The following NAALADL2 variants were observed in gnomAD, a reference collection of about 807,000 sequenced individuals.
The protein encoded by NAALADL2 is N-acetylated alpha-linked acidic dipeptidase like 2.
Under a neutral mutation model 87.2 loss-of-function variants are expected in NAALADL2, and 76 were observed. The ratio of observed to expected loss-of-function variants is 0.87; its 90% CI spans 0.72 to 1.05. NAALADL2 has a LOEUF of 1.05. Among genes scored for constraint, NAALADL2 ranks in the 50% least tolerant of loss-of-function variants. NAALADL2 has a pLI of 0.00. For synonymous variants in NAALADL2, 354 were observed against 331.0 expected (o/e 1.07, Z -0.75); for missense variants, 1,089 against 945.8 (o/e 1.15, Z -1.99).
At chr3:174,989,483 A>C (rs1050364631) in intron 1 of NAALADL2, among the ~76,000 whole-genome samples, 13 of 152,192 alleles carry the variant, frequency 8.5e-5, no homozygotes, top group Non-Finnish European at 5.9e-5. Context: ...TGTAATGAAC[A>C]ATTAGTTGGA....
intron 1 of NAALADL2, among the ~76,000 whole-genome samples, chr3:174,457,385 A>G (rs181805519): frequency 2.0e-5 from 3 of 152,292 alleles, no homozygotes; most frequent in East Asian, 3.9e-4. Context: ...ATCATTCTAT[A>G]ATAAAGACAC....
chr3:174,773,982 T>G (rs1714895903), intron 3 of NAALADL2, among the ~76,000 whole-genome samples: 1 of 152,146 alleles, frequency 6.6e-6, no homozygotes, highest in African/African-American at 2.4e-5. Flanking sequence ...TGAATTTTCA[T>G]GATTGCCTTA....
At chr3:175,444,593 A>G (rs531436953) in intron 5 of NAALADL2, among the ~76,000 whole-genome samples, 49 of 152,118 alleles carry the variant, frequency 3.2e-4, no homozygotes, top group Non-Finnish European at 6.3e-4. Flanking sequence ...AGGGCCCCAC[A>G]CTTGATTTAA....
intron 3 of NAALADL2, among the ~76,000 whole-genome samples, chr3:174,802,917 C>G (rs6445181): frequency 6.6e-6 from 1 of 151,944 alleles, no homozygotes; most frequent in Non-Finnish European, 1.5e-5. Flanking sequence ...AGTCTTTGCT[C>G]TTGTGAATAG....
Position 174,596,895 on chromosome 3 carries a change from CCTGA to C in NAALADL2, c.-115+46262_-115+46265del, listed in dbSNP as rs371524852. 2.0e-4 allele frequency among the ~76,000 whole-genome samples: 30 copies of C among 152,258 alleles called. No individual in the cohort carries two copies. The Middle Eastern group carries it at 0.01, about 52-fold the overall frequency. On this transcript the variant is annotated intron_variant, in intron 2 of 3. Coordinates refer to the NAALADL2 transcript ENST00000434257. ...TCAGTGATGGAGGTGAAATTTGAAT[CCTGA>C]CTGTTTGACTTGAATGCGCCTGATT...
intron 6 of NAALADL2, among the ~76,000 whole-genome samples, chr3:175,455,667 T>C (rs1722220794): frequency 6.6e-6 from 1 of 152,106 alleles, no homozygotes; most frequent in Admixed American, 6.6e-5. Context: ...AGGGGATAGC[T>C]ATATGTACTT....
intron 3 of NAALADL2, among the ~76,000 whole-genome samples, chr3:174,766,863 T>C (rs182781364): frequency 9.8e-4 from 150 of 152,332 alleles, no homozygotes; most frequent in African/African-American, 3.5e-3. Context: ...AATAATATAT[T>C]GAGGACTAAG....
intron 2 of NAALADL2, among the ~76,000 whole-genome samples, chr3:175,154,157 T>C (rs1175075277): frequency 6.6e-6 from 1 of 152,180 alleles, no homozygotes; most frequent in Non-Finnish European, 1.5e-5. Context: ...TCAACATGCA[T>C]ATACCTATTT....
intron 3 of NAALADL2, among the ~76,000 whole-genome samples, chr3:174,777,975 T>C (rs1259909645): frequency 6.6e-6 from 1 of 152,136 alleles, no homozygotes; most frequent in South Asian, 2.1e-4. Flanking sequence ...GGAATAAATA[T>C]GCATATCTTT....
intron 2 of NAALADL2, among the ~76,000 whole-genome samples, chr3:174,574,100 G>A (rs1360867563): frequency 6.6e-6 from 1 of 152,070 alleles, no homozygotes; most frequent in East Asian, 1.9e-4. Context: ...ATAGTTTTCT[G>A]TGTTTACTTA....
At chr3:174,924,784 G>A (rs542700771) in intron 1 of NAALADL2, among the ~76,000 whole-genome samples, 6 of 152,114 alleles carry the variant, frequency 3.9e-5, no homozygotes, top group Non-Finnish European at 8.8e-5. Flanking sequence ...TCTCATTGTG[G>A]TTTTGCTTTG....
chr3:175,396,745 C>T (rs1284223101), intron 5 of NAALADL2, among the ~76,000 whole-genome samples: 1 of 152,082 alleles, frequency 6.6e-6, no homozygotes, highest in African/African-American at 2.4e-5. Flanking sequence ...TATGTCCATG[C>T]TGTTCTTGTG....
chr3:174,779,187 G>T (rs1231753005), intron 3 of NAALADL2, among the ~76,000 whole-genome samples: 2 of 152,160 alleles, frequency 1.3e-5, no homozygotes, highest in African/African-American at 4.8e-5. Context: ...GGCGTGAGAT[G>T]GTATCTCATT....
chr3:174,521,118 T>G (rs1421938788), intron 1 of NAALADL2, among the ~76,000 whole-genome samples: 1 of 152,088 alleles, frequency 6.6e-6, no homozygotes. Flanking sequence ...CTCAAAGAAC[T>G]AAAAATGGAA....
At chr3:175,420,445 C>T (rs906264931) in intron 5 of NAALADL2, among the ~76,000 whole-genome samples, 2 of 151,948 alleles carry the variant, frequency 1.3e-5, no homozygotes, top group East Asian at 3.9e-4. Context: ...TGAGCATACT[C>T]GTTAAAACAA....
At chr3:175,226,101 G>A (rs542129085) in intron 2 of NAALADL2, among the ~76,000 whole-genome samples, 1 of 152,202 alleles carries the variant, frequency 6.6e-6, no homozygotes, top group South Asian at 2.1e-4. Context: ...GACTTAAGTA[G>A]AGGGCACTGA....
intron 13 of NAALADL2, chr3:175,775,196 G>A (rs917533661): frequency 1.3e-5 from 2 of 151,428 alleles, no homozygotes; most frequent in African/African-American, 4.8e-5. Flanking sequence ...GCGGGAAGAT[G>A]TAAAAAGGAA....
At chr3:175,780,261 G>C (rs184781025) in intron 13 of NAALADL2, among the ~76,000 whole-genome samples, 2 of 151,332 alleles carry the variant, frequency 1.3e-5, no homozygotes, top group Non-Finnish European at 2.9e-5. Context: ...GGGTGACAGA[G>C]CGAGACTCTG....
intron 13 of NAALADL2, among the ~76,000 whole-genome samples, chr3:175,777,993 G>A (rs116809982): frequency 2.0e-5 from 3 of 152,076 alleles, no homozygotes; most frequent in Non-Finnish European, 4.4e-5. Context: ...GTTTTCATAC[G>A]CAGTCTGTGT....
Sources: allele counts gnomAD v4.1 joint callset (sites outside exome capture counted in the v4.1 genomes callset), GRCh38; gene constraint gnomAD v4.1.1; transcripts MANE v1.5; gene names NCBI Gene and HGNC (gene_info 2026-07-23, HGNC 2026-07-21).